Variants in PPEF2 observed in about 807,000 individuals in gnomAD.
PPEF2 encodes the protein protein phosphatase with EF-hand domain 2.
Under a neutral mutation model 84.7 loss-of-function variants are expected in PPEF2, and 84 were observed. That is an observed-to-expected ratio of 0.99 (90% CI 0.83 to 1.19). The LOEUF is 1.19. Among genes scored for constraint, PPEF2 ranks in the 50% most tolerant of loss-of-function variants. The pLI is 0.00. For synonymous variants in PPEF2, 346 were observed against 345.2 expected (o/e 1.00, Z -0.03); for missense variants, 924 against 937.5 (o/e 0.99, Z 0.19).
At chr4:75,892,559 T>C (rs1469352617) in intron 2 of PPEF2, among the ~76,000 whole-genome samples, 1 of 152,144 alleles carries the variant, frequency 6.6e-6, no homozygotes, top group Non-Finnish European at 1.5e-5. Flanking sequence ...CATCATACGA[T>C]GTCAGGGGGT....
At chr4:75,884,473 T>C in intron 8 of PPEF2, 121 bp downstream of exon 8, 1 of 1,252,614 alleles carries the variant, frequency 8.0e-7, no homozygotes, top group Non-Finnish European at 1.1e-6. Context: ...TGTATTCTGC[T>C]TTTTAAAAAA....
intron 2 of PPEF2, among the ~76,000 whole-genome samples, chr4:75,895,884 T>TAA (rs34289743): frequency 8.8e-4 from 132 of 150,556 alleles, no homozygotes; most frequent in African/African-American, 1.4e-3. Flanking sequence ...CCTATTGTTT[T>TAA]AAAAAAAAAA....
chr4:75,882,820 T>C, intron 10 of PPEF2, 106 bp downstream of exon 10: 1 of 1,292,556 alleles, frequency 7.7e-7, no homozygotes, highest in Non-Finnish European at 1.1e-6. Flanking sequence ...CTCCACACTC[T>C]TAACAGCCAT....
intron 10 of PPEF2, among the ~76,000 whole-genome samples, chr4:75,879,375 G>T (rs895789660): frequency 2.0e-5 from 3 of 152,130 alleles, no homozygotes; most frequent in Non-Finnish European, 2.9e-5. Context: ...AATCTGTCCA[G>T]TTCTCATCTA....
intron 11 of PPEF2, 63 bp from the exon 12 acceptor site, chr4:75,873,375 C>A: frequency 1.3e-5 from 18 of 1,402,616 alleles, no homozygotes; most frequent in South Asian, 5.6e-5. Context: ...CACAGTCATT[C>A]AAATGAAAGG....
chr4:75,887,477 C>T (rs528459690), intron 6 of PPEF2, among the ~76,000 whole-genome samples: 8 of 152,102 alleles, frequency 5.3e-5, no homozygotes, highest in South Asian at 2.1e-4. Context: ...AAAAATTAGC[C>T]GGGCGTGGTG....
chr4:75,860,739 C>T lies in PPEF2; in HGVS notation c.2190G>A (p.Glu730=). ...CTTGTGGGCATTCTGAGGCATCGCC[C>T]TCTGGGCAGGATTTCTCCACAAGGC... The part of the protein sequence containing the change: ...AFRLVEKSCP[E]GDASECPQAT... The change falls in exon 17 of 17, where the codon GAG becomes GAA. Residue 730 remains glutamate, a synonymous_variant. Transcript: ENST00000286719. 1 of 1,614,248 alleles carries T rather than the reference C, an allele frequency of 6.2e-7. No homozygotes were observed. The highest frequency in any genetic ancestry group is 8.5e-7 in the Non-Finnish European group (1 of 1,180,040).
Position 75,877,379 on chromosome 4 carries a change from AG to A in PPEF2, c.934-707del, listed in dbSNP as rs1724454824. 3.2e-4 allele frequency among the ~76,000 whole-genome samples: 3 copies of A among 9,302 alleles called. No homozygotes were observed. The South Asian group carries it at 0.075, about 233-fold the overall frequency. The allele number at this position is 9,302 out of a possible 152,430, so 6.1% of individuals were successfully genotyped here. On this transcript the variant is annotated intron_variant, in intron 10 of 16. Coordinates refer to ENST00000286719, the MANE Select transcript of PPEF2 (RefSeq NM_006239.3). ...ATAAAAAAGAGAGAGAGAAAGAAAG[AG>A]AGAAAGAAAGAAGAGGAAGAAAAAG...
At chr4:75,870,505 C>T (rs1724241111) in intron 13 of PPEF2, among the ~76,000 whole-genome samples, 1 of 152,122 alleles carries the variant, frequency 6.6e-6, no homozygotes, top group African/African-American at 2.4e-5. Context: ...GCTAGTTTTG[C>T]CGATCTTAAT....
At chr4:75,878,930 G>A (rs767170332) in intron 10 of PPEF2, among the ~76,000 whole-genome samples, 4 of 152,272 alleles carry the variant, frequency 2.6e-5, no homozygotes, top group Middle Eastern at 3.4e-3. Context: ...GAAAATCTCT[G>A]CAAATAAGCA....
chr4:75,883,817 C>CAAAAA (rs35897623), intron 8 of PPEF2, among the ~76,000 whole-genome samples: 3 of 60,702 alleles, frequency 4.9e-5, no homozygotes, highest in African/African-American at 7.0e-5. Context: ...GACTCCGTCA[C>CAAAAA]AAAAAAAAAA....
At chr4:75,896,438 G>T in intron 1 of PPEF2, 55 bp from the exon 2 acceptor site, 1 of 1,162,986 alleles carries the variant, frequency 8.6e-7, no homozygotes, top group Non-Finnish European at 1.3e-6. Context: ...GTATTAAATC[G>T]GGTGGGCCAA....
chr4:75,885,555 A>G (rs1436984094), intron 7 of PPEF2, among the ~76,000 whole-genome samples: 1 of 152,244 alleles, frequency 6.6e-6, no homozygotes, highest in Non-Finnish European at 1.5e-5. Flanking sequence ...GCAACAGAGT[A>G]GCAAATATTA....
chr4:75,895,209 C>T (rs1362395343), intron 2 of PPEF2, among the ~76,000 whole-genome samples: 2 of 150,226 alleles, frequency 1.3e-5, no homozygotes, highest in Non-Finnish European at 1.5e-5. Flanking sequence ...GGGCAGATCA[C>T]CTGAGGTCAG....
chr4:75,860,603 A>G lies in PPEF2; in HGVS notation c.*64T>C, dbSNP rs1723971966. 1.3e-6 allele frequency: 2 copies of G among 1,580,272 alleles called. No individual in the cohort carries two copies. Among genetic ancestry groups the G allele is most frequent in the East Asian group, 2.2e-5 (1 of 44,452 alleles). On this transcript the variant is annotated 3_prime_UTR_variant, in exon 17 of 17. Transcript: ENST00000286719. ...AAGTTTCACATGGAGAATAAGGGAGATAGTCTAGTGAGAAGCTGAGCATTG... is the reference window on the plus strand; with the variant it reads ...AAGTTTCACATGGAGAATAAGGGAGGTAGTCTAGTGAGAAGCTGAGCATTG...
chr4:75,895,360 C>T (rs1405301197), intron 2 of PPEF2, among the ~76,000 whole-genome samples: 1 of 142,756 alleles, frequency 7.0e-6, no homozygotes, highest in African/African-American at 2.6e-5. Context: ...ACCCAGGAGG[C>T]GGAGGTTGCA....
At chr4:75,864,280 G>C (rs1367594926) in intron 16 of PPEF2, among the ~76,000 whole-genome samples, 160 bp downstream of exon 16, 2 of 152,128 alleles carry the variant, frequency 1.3e-5, no homozygotes, top group Admixed American at 6.5e-5. Flanking sequence ...TACTACTCAA[G>C]TACTTTCCTA....
At chr4:75,877,253 C>T (rs1724449594) in intron 10 of PPEF2, among the ~76,000 whole-genome samples, 2 of 151,868 alleles carry the variant, frequency 1.3e-5, no homozygotes, top group South Asian at 4.2e-4. Flanking sequence ...AGGGGAATTG[C>T]TTGAACCCGG....
In PPEF2 at chr4:75,891,890, G is replaced by T; in HGVS notation, c.144C>A (p.Phe48Leu). ...GCTGCCCAGCATATTCTATAGACTGGAAGATGCTCCAGGTGCAACGCCGCC... is the reference window on the plus strand; with the variant it reads ...GCTGCCCAGCATATTCTATAGACTGTAAGATGCTCCAGGTGCAACGCCGCC... Reference protein sequence around the residue: ...EMRRRCTWSIFQSIEYAGQQD... With the variant: ...EMRRRCTWSILQSIEYAGQQD... The change falls in exon 3 of 17, where the codon TTC becomes TTA. Residue 48 changes from phenylalanine to leucine, a missense_variant. Physicochemically the swap from Phe to Leu is conservative, Grantham distance 22. Coordinates refer to ENST00000286719, the MANE Select transcript of PPEF2 (RefSeq NM_006239.3). 6.2e-7 allele frequency: 1 copy of T among 1,614,100 alleles called. No individual in the cohort carries two copies. The highest frequency in any genetic ancestry group is 1.3e-5 in the African/African-American group (1 of 75,046).
Sources: gnomAD v4.1 joint callset for allele counts (sites outside exome capture counted in the v4.1 genomes callset) on GRCh38, gnomAD v4.1.1 for gene constraint, MANE v1.5 for transcripts, NCBI Gene and HGNC (gene_info 2026-07-23, HGNC 2026-07-21) for gene names.